The following ADGRG2 variants were observed in gnomAD, a reference collection of about 807,000 sequenced individuals.
The protein encoded by ADGRG2 is G protein-coupled receptor 64.
A neutral mutation model predicts 74.1 loss-of-function variants in ADGRG2; 26 were observed. The observed-to-expected ratio is 0.35, with a 90% CI of 0.26 to 0.49. The LOEUF (loss-of-function observed/expected upper bound fraction) is 0.49. Ranked by LOEUF, ADGRG2 falls within the 20% of genes least tolerant of loss-of-function variation. The probability of loss-of-function intolerance (pLI) is 0.99; values close to 1 mark genes in which losing one functional copy is unlikely to be tolerated. For synonymous variants in ADGRG2, 296 were observed against 295.2 expected (o/e 1.00, Z -0.03); for missense variants, 619 against 763.1 (o/e 0.81, Z 2.22).
At chrX:19,035,005 A>G (rs1320059541) in intron 7 of ADGRG2, 1 of 112,418 alleles carries the variant, frequency 8.9e-6, no homozygotes, top group Non-Finnish European at 1.9e-5. Context: ...CAAACAAAAT[A>G]CAACTGTGAA....
intron 8 of ADGRG2, chrX:19,032,351 C>CT (rs1309754706): frequency 9.0e-6 from 1 of 111,408 alleles, no homozygotes; most frequent in Non-Finnish European, 1.9e-5. Context: ...AATATACTTG[C>CT]TTATAGATAG....
At chrX:19,077,741 A>G (rs1257041202) in intron 2 of ADGRG2, among the ~76,000 whole-genome samples, 1 of 111,934 alleles carries the variant, frequency 8.9e-6, no homozygotes, top group African/African-American at 3.2e-5. Flanking sequence ...GTTTATACTA[A>G]TATCAGACAA....
chrX:19,020,931 G>C (rs1429105879), intron 14 of ADGRG2, among the ~76,000 whole-genome samples, 173 bp downstream of exon 14: 1 of 107,735 alleles, frequency 9.3e-6, no homozygotes, highest in Non-Finnish European at 1.9e-5. Flanking sequence ...CACTGAACCT[G>C]GTGACAGACT....
At chrX:19,102,099 G>A (rs1424352577) in intron 1 of ADGRG2, among the ~76,000 whole-genome samples, 1 of 107,949 alleles carries the variant, frequency 9.3e-6, no homozygotes, top group Admixed American at 9.8e-5. Flanking sequence ...TGCCGGGTGT[G>A]GTGGCTCACA....
intron 1 of ADGRG2, among the ~76,000 whole-genome samples, chrX:19,092,133 C>G (rs755321428): frequency 1.2e-3 from 134 of 112,131 alleles, no homozygotes; most frequent in African/African-American, 4.1e-3. Flanking sequence ...CAGCCACCGG[C>G]CCTCTGCCAG....
rs61254973 is a variant in ADGRG2, at chrX:19,093,902, T to C, written c.-46-11156A>G. Among the ~76,000 whole-genome samples, 459 of 100,192 alleles carry C rather than the reference T, an allele frequency of 4.6e-3. 1 individual carries two copies. Among genetic ancestry groups the C allele is most frequent in the Non-Finnish European group, 7.4e-3 (362 of 48,998 alleles). 87.0% of individuals were successfully genotyped at this position (100,192 alleles called of 115,157 possible). On this transcript the variant is annotated intron_variant, in intron 1 of 28. Coordinates refer to ENST00000379869, the MANE Select transcript of ADGRG2 (RefSeq NM_001079858.3). ...TGGACATAAATGTGGTATGTAGGTA[T>C]ACACACACACACACACACACACACA...
chrX:19,003,574 T>TG (rs747301892), intron 23 of ADGRG2, among the ~76,000 whole-genome samples: 1 of 110,562 alleles, frequency 9.0e-6, no homozygotes, highest in African/African-American at 3.3e-5. Flanking sequence ...GTATATGGGG[T>TG]GGGGGGGAGC....
In ADGRG2 at chrX:19,041,404, C is replaced by T. The variant is rs146203823; in HGVS notation, c.119-1180G>A. ...TTTAGAAGTGTTACATCCCCAAATA[C>T]TGACCCACATGGGGTGTTATCTTAT... On this transcript the variant is annotated intron_variant, in intron 3 of 28. Transcript: ENST00000379869. Among the ~76,000 whole-genome samples the T allele has an allele frequency of 4.5e-3, 499 of 111,969 alleles. 2 individuals carry two copies. Among genetic ancestry groups the T allele is most frequent in the African/African-American group, 0.015 (471 of 30,813 alleles).
At position 19,121,039 on chromosome X, in the gene ADGRG2, A is replaced by T. The variant is rs757773218; in HGVS notation, c.-47+1403T>A. Among the ~76,000 whole-genome samples the T allele has an allele frequency of 2.7e-5, 3 of 111,589 alleles. No homozygotes were observed. In the South Asian group the frequency reaches 1.2e-3, roughly 43 times the overall value. On this transcript the variant is annotated intron_variant, in intron 1 of 28. Transcript: ENST00000379869. ...TTTATCGAGGTCCTCCCTTGTCCAG[A>T]TCTAAGAGAAATTAACTGAGGATCT...
At chrX:18,998,663 C>G (rs1209803296) in intron 26 of ADGRG2, among the ~76,000 whole-genome samples, 1 of 93,692 alleles carries the variant, frequency 1.1e-5, no homozygotes, top group Non-Finnish European at 2.0e-5. Context: ...TCCAGCAAGT[C>G]TCTCAAGGCC....
At chrX:19,101,184 G>T (rs1047573040) in intron 1 of ADGRG2, among the ~76,000 whole-genome samples, 2 of 107,979 alleles carry the variant, frequency 1.9e-5, no homozygotes, top group African/African-American at 6.8e-5. Flanking sequence ...TGTGAGTTCA[G>T]TTGTTCTCTG....
chrX:19,021,988 G>A (rs1302621097), intron 13 of ADGRG2, among the ~76,000 whole-genome samples: 4 of 109,399 alleles, frequency 3.7e-5, no homozygotes, highest in Non-Finnish European at 7.6e-5. Context: ...CTGGGGCCGG[G>A]TGCGGTGGCT....
At chrX:19,086,427 C>T (rs2061936853) in intron 1 of ADGRG2, among the ~76,000 whole-genome samples, 1 of 111,584 alleles carries the variant, frequency 9.0e-6, no homozygotes, top group African/African-American at 3.3e-5. Flanking sequence ...AGCCACCCAA[C>T]TTCCTCTATT....
chrX:19,099,388 G>C (rs894813730), intron 1 of ADGRG2, among the ~76,000 whole-genome samples: 1 of 112,093 alleles, frequency 8.9e-6, no homozygotes, highest in Non-Finnish European at 1.9e-5. Context: ...GGGGGTATGT[G>C]AGAGTAAAAT....
rs761180908 is a variant in ADGRG2, at chrX:19,065,605, T to C, written c.118+3112A>G. 2.7e-5 allele frequency among the ~76,000 whole-genome samples: 3 copies of C among 112,230 alleles called. No individual in the cohort carries two copies. The East Asian group carries it at 8.4e-4, about 31-fold the overall frequency. ...AAGACATATTTCTAACAAACAGCTT[T>C]CATTTGGATGAATTTTTTCCCTTGT... On this transcript the variant is annotated intron_variant, in intron 3 of 28. Transcript: ENST00000379869.
At chrX:19,036,797 C>T (rs2060950646) in intron 6 of ADGRG2, among the ~76,000 whole-genome samples, 1 of 111,425 alleles carries the variant, frequency 9.0e-6, no homozygotes, top group South Asian at 3.7e-4. Flanking sequence ...GTATAAGCTG[C>T]ATCTATGATT....
At chrX:19,004,378 G>T (rs959314251) in intron 23 of ADGRG2, among the ~76,000 whole-genome samples, 1 of 112,156 alleles carries the variant, frequency 8.9e-6, no homozygotes, top group Non-Finnish European at 1.9e-5. Context: ...TTTTGTGTTT[G>T]CTCAGTATAA....
intron 4 of ADGRG2, among the ~76,000 whole-genome samples, chrX:19,038,830 T>C (rs2060996790): frequency 8.9e-6 from 1 of 111,737 alleles, no homozygotes; most frequent in African/African-American, 3.2e-5. Flanking sequence ...GTTTTGCAGA[T>C]ATCACCATGA....
intron 3 of ADGRG2, among the ~76,000 whole-genome samples, chrX:19,062,791 G>C (rs1282020079): frequency 9.0e-6 from 1 of 110,603 alleles, no homozygotes; most frequent in Non-Finnish European, 1.9e-5. Flanking sequence ...CTCATCGCTG[G>C]AAATGCCTGC....
Sources: gnomAD v4.1 joint callset for allele counts (sites outside exome capture counted in the v4.1 genomes callset) on GRCh38, gnomAD v4.1.1 for gene constraint, MANE v1.5 for transcripts, NCBI Gene and HGNC (gene_info 2026-07-23, HGNC 2026-07-21) for gene names.